Variants in ZFHX3 observed in about 807,000 individuals in gnomAD.
ZFHX3 encodes the protein zinc finger homeobox 3, also known as zinc finger homeobox protein 3.
Under a neutral mutation model 279.1 loss-of-function variants are expected in ZFHX3, and 42 were observed. The observed-to-expected ratio is 0.15, with a 90% CI of 0.12 to 0.19. The LOEUF is 0.19. ZFHX3 is among the 10% of genes least tolerant of loss of function. The pLI is 1.00. For synonymous variants in ZFHX3, 2,293 were observed against 1,957.8 expected (o/e 1.17, Z -4.52); for missense variants, 4,981 against 4,754.0 (o/e 1.05, Z -1.40).
chr16:72,880,624 TTATAA>T (rs1353372361), intron 4 of ZFHX3, among the ~76,000 whole-genome samples: 8 of 152,174 alleles, frequency 5.3e-5, no homozygotes, highest in African/African-American at 1.7e-4. Flanking sequence ...TTTTTTGACT[TTATAA>T]TATGACAATT....
chr16:73,538,673 C>A (rs987208455), intron 2 of ZFHX3, among the ~76,000 whole-genome samples: 3 of 152,138 alleles, frequency 2.0e-5, no homozygotes. Flanking sequence ...TCACGTCTGC[C>A]ACATGCCCAT....
intron 3 of ZFHX3, among the ~76,000 whole-genome samples, chr16:72,899,201 C>G (rs1034915893): frequency 2.0e-5 from 3 of 152,204 alleles, no homozygotes; most frequent in Non-Finnish European, 4.4e-5. Context: ...TGTCCCCACG[C>G]AAATCTCATC....
chr16:72,909,505 A>G (rs568042879), intron 3 of ZFHX3, among the ~76,000 whole-genome samples: 5 of 152,290 alleles, frequency 3.3e-5, no homozygotes, highest in African/African-American at 7.2e-5. Context: ...AAGGGAACAT[A>G]TACATTATCT....
intron 1 of ZFHX3, among the ~76,000 whole-genome samples, chr16:72,962,390 C>T (rs974872019): frequency 2.0e-5 from 3 of 152,208 alleles, no homozygotes; most frequent in East Asian, 1.9e-4. Context: ...TACTCCAAAG[C>T]GGAAGATGTC....
chr16:73,124,050 C>A (rs888943521), intron 7 of ZFHX3, among the ~76,000 whole-genome samples: 11 of 152,166 alleles, frequency 7.2e-5, no homozygotes, highest in Non-Finnish European at 1.0e-4. Flanking sequence ...AACCAACCAA[C>A]CAACCAACTA....
At chr16:73,508,083 C>T (rs1424715574) in intron 2 of ZFHX3, among the ~76,000 whole-genome samples, 1 of 152,122 alleles carries the variant, frequency 6.6e-6, no homozygotes, top group Non-Finnish European at 1.5e-5. Flanking sequence ...CAAACCAAAT[C>T]CATTGCAATC....
chr16:73,621,980 C>G (rs187985917), intron 2 of ZFHX3, among the ~76,000 whole-genome samples: 1 of 152,204 alleles, frequency 6.6e-6, no homozygotes, highest in Admixed American at 6.5e-5. Flanking sequence ...GAGATGGACA[C>G]AGCCCTTCCC....
chr16:73,445,276 A>ATG (rs1295490783), intron 3 of ZFHX3, among the ~76,000 whole-genome samples: 4 of 64,306 alleles, frequency 6.2e-5, no homozygotes, highest in Non-Finnish European at 1.4e-4. Flanking sequence ...GTATGTATAT[A>ATG]TGTGTGTATA....
intron 5 of ZFHX3, among the ~76,000 whole-genome samples, chr16:73,170,930 G>A (rs1967506458): frequency 6.6e-6 from 1 of 152,128 alleles, no homozygotes; most frequent in Non-Finnish European, 1.5e-5. Context: ...CCGACGCACC[G>A]TGGAAAATCC....
At chr16:73,157,924 C>T (rs1019384962) in intron 5 of ZFHX3, among the ~76,000 whole-genome samples, 5 of 151,588 alleles carry the variant, frequency 3.3e-5, no homozygotes, top group East Asian at 1.9e-4. Context: ...CTGGACTTCT[C>T]GGGATGCAGG....
At chr16:73,617,632 G>C (rs1597030334) in intron 2 of ZFHX3, among the ~76,000 whole-genome samples, 1 of 152,210 alleles carries the variant, frequency 6.6e-6, no homozygotes, top group East Asian at 1.9e-4. Context: ...AATAAATACA[G>C]TCATTTGAGC....
At chr16:73,172,988 GTTTTT>G (rs1296855983) in intron 5 of ZFHX3, among the ~76,000 whole-genome samples, 1 of 46,170 alleles carries the variant, frequency 2.2e-5, no homozygotes, top group African/African-American at 1.2e-4. Flanking sequence ...TGATGGGACT[GTTTTT>G]TTGTTTTTTT....
At chr16:72,904,310 G>A (rs1206489124) in intron 3 of ZFHX3, among the ~76,000 whole-genome samples, 2 of 151,488 alleles carry the variant, frequency 1.3e-5, no homozygotes, top group Non-Finnish European at 2.9e-5. Context: ...AGGTCGCAGT[G>A]AGCCGAGATC....
At chr16:73,527,982 G>A (rs1388072802) in intron 2 of ZFHX3, among the ~76,000 whole-genome samples, 4 of 152,336 alleles carry the variant, frequency 2.6e-5, no homozygotes, top group African/African-American at 9.6e-5. Context: ...CTAAATCTTG[G>A]AGTAATTTGT....
intron 4 of ZFHX3, among the ~76,000 whole-genome samples, chr16:72,860,160 T>A (rs1302827766): frequency 3.9e-5 from 6 of 151,990 alleles, no homozygotes; most frequent in African/African-American, 1.2e-4. Flanking sequence ...CAGATTCCCA[T>A]CTAGAAAAAC....
At chr16:73,590,097 G>A (rs1373767672) in intron 2 of ZFHX3, among the ~76,000 whole-genome samples, 1 of 152,130 alleles carries the variant, frequency 6.6e-6, no homozygotes, top group Non-Finnish European at 1.5e-5. Context: ...ATTGGCATGG[G>A]AATTTTGGGC....
At chr16:73,457,019 G>A (rs2018383599) in intron 2 of ZFHX3, among the ~76,000 whole-genome samples, 1 of 152,208 alleles carries the variant, frequency 6.6e-6, no homozygotes, top group African/African-American at 2.4e-5. Flanking sequence ...TCAGGTGGAA[G>A]GAAATCTACT....
At chr16:73,588,741 A>T (rs1049684256) in intron 2 of ZFHX3, among the ~76,000 whole-genome samples, 23 of 151,794 alleles carry the variant, frequency 1.5e-4, no homozygotes, top group African/African-American at 5.3e-4. Flanking sequence ...AAGAGAGAGG[A>T]ATATAGTCAA....
rs1350419574 is a variant in ZFHX3, at chr16:72,986,911, C to T, written c.-49-26717G>A. Among the ~76,000 whole-genome samples, 3 of 152,074 alleles carry T rather than the reference C, an allele frequency of 2.0e-5. No individual in the cohort carries two copies. The East Asian group carries it at 5.8e-4, about 29-fold the overall frequency. ...CTGTAATTCCAGAACTTTTGGAGGCCGAGTCAGACAGACCGCTTGAGCCCA... is the reference window on the plus strand; with the variant it reads ...CTGTAATTCCAGAACTTTTGGAGGCTGAGTCAGACAGACCGCTTGAGCCCA... On this transcript the variant is annotated intron_variant, in intron 1 of 9. Transcript: ENST00000268489.
Sources: allele counts gnomAD v4.1 joint callset (sites outside exome capture counted in the v4.1 genomes callset), GRCh38; gene constraint gnomAD v4.1.1; transcripts MANE v1.5; gene names NCBI Gene and HGNC (gene_info 2026-07-23, HGNC 2026-07-21).